TOX3: variants seen among roughly 807,000 people sequenced by gnomAD.
The protein encoded by TOX3 is CAG trinucleotide repeat-containing gene F9 protein.
A neutral mutation model predicts 64.3 loss-of-function variants in TOX3; 22 were observed. The ratio of observed to expected loss-of-function variants is 0.34; its 90% CI spans 0.24 to 0.49. TOX3 has a LOEUF of 0.49. Ranked by LOEUF, TOX3 falls within the 20% of genes least tolerant of loss-of-function variation. The pLI is 0.99. For synonymous variants in TOX3, 291 were observed against 273.6 expected (o/e 1.06, Z -0.63); for missense variants, 661 against 714.4 (o/e 0.93, Z 0.85).
intron 6 of TOX3, among the ~76,000 whole-genome samples, chr16:52,440,818 C>T (rs1485084843): frequency 1.2e-4 from 15 of 129,876 alleles, no homozygotes; most frequent in East Asian, 5.2e-4. Context: ...TGGAGTGCAG[C>T]GGCGCGATCT....
rs1555484130 is a variant in TOX3, at chr16:52,485,246, G to GTGTATATATATA, written c.88-16673_88-16672insTATATATATACA. Reference sequence around the variant, plus strand: ...CATGTGTGTGTGTGTATGTGTGTGTGTATATATATATATATATATATATAT... The same window carrying GTGTATATATATA: ...CATGTGTGTGTGTGTATGTGTGTGTGTGTATATATATATATATATATATATATATATATATAT... On this transcript the variant is annotated intron_variant, in intron 1 of 6. Coordinates refer to ENST00000219746, the MANE Select transcript of TOX3 (RefSeq NM_001080430.4). Among the ~76,000 whole-genome samples, 183 of 127,844 alleles carry GTGTATATATATA rather than the reference G, an allele frequency of 1.4e-3. 1 individual carries two copies. Among genetic ancestry groups the GTGTATATATATA allele is most frequent in the African/African-American group, 5.9e-3 (176 of 29,766 alleles). The allele number at this position is 127,844 out of a possible 152,430, so 83.9% of individuals were successfully genotyped here.
At chr16:52,471,706 T>TA (rs1961050071) in intron 1 of TOX3, among the ~76,000 whole-genome samples, 2 of 152,336 alleles carry the variant, frequency 1.3e-5, no homozygotes, top group South Asian at 4.1e-4. Flanking sequence ...CATTTTCACT[T>TA]ACTTTTTAAA....
intron 3 of TOX3, among the ~76,000 whole-genome samples, chr16:52,454,156 C>A (rs1008542132): frequency 6.6e-6 from 1 of 152,014 alleles, no homozygotes; most frequent in Admixed American, 6.6e-5. Flanking sequence ...ACTCTGGGAT[C>A]TCCACTGCCA....
chr16:52,512,909 G>A (rs1030827512), intron 1 of TOX3, among the ~76,000 whole-genome samples: 1 of 152,234 alleles, frequency 6.6e-6, no homozygotes, highest in African/African-American at 2.4e-5. Context: ...GAAAGAGCTA[G>A]AGAACACGGT....
rs773767575 is a variant in TOX3, at chr16:52,546,701, G to T, written c.23C>A (p.Ala8Glu). The T allele has an allele frequency of 6.5e-7, 1 of 1,539,938 alleles. No individual in the cohort carries two copies. Among genetic ancestry groups the T allele is most frequent in the Admixed American group, 1.9e-5 (1 of 51,370 alleles). The change falls in exon 1 of 7, where the codon GCG becomes GAG. Residue 8 changes from alanine (A) to glutamate (E), a missense_variant. This residue lies in a region of TOX3 where 259 missense variants were observed against 261.2 expected (regional missense o/e 0.99). Transcript: ENST00000219746. Reference protein sequence around the residue: MDVRFYPAAAGDPASLDF... With the variant: MDVRFYPEAAGDPASLDF... ...CAGGCTGGCAGGGTCCCCGGCCGCC[G>T]CGGGGTAGAACCTCACATCCATGCC...
Position 52,464,135 on chromosome 16 carries a change from G to A in TOX3, c.207C>T (p.Ile69=). The A allele has an allele frequency of 1.3e-6, 2 of 1,581,208 alleles. No homozygotes were observed. The highest frequency in any genetic ancestry group is 1.8e-5 in the Admixed American group (1 of 54,868). ...LGDEEFEIPP[I]TPPPESDPAL... ...CAGGGTCTGACTCTGGAGGAGGCGT[G>A]ATTGGTGGAATTTCGAATTCCTCGT... The change falls in exon 3 of 7, where the codon ATC becomes ATT. Residue 69 remains isoleucine, a synonymous_variant. Coordinates refer to ENST00000219746, the MANE Select transcript of TOX3 (RefSeq NM_001080430.4).
chr16:52,525,564 G>T (rs1962710835), intron 1 of TOX3, among the ~76,000 whole-genome samples: 1 of 152,070 alleles, frequency 6.6e-6, no homozygotes, highest in Admixed American at 6.6e-5. Context: ...AGACAGTGGG[G>T]GCATGAACTA....
intron 1 of TOX3, among the ~76,000 whole-genome samples, chr16:52,489,227 C>T (rs746802971): frequency 2.0e-5 from 3 of 152,146 alleles, no homozygotes; most frequent in Non-Finnish European, 4.4e-5. Flanking sequence ...ATGTTCCAGT[C>T]CCATTCACCC....
intron 1 of TOX3, among the ~76,000 whole-genome samples, chr16:52,500,150 A>G (rs1961962634): frequency 6.6e-6 from 1 of 152,226 alleles, no homozygotes; most frequent in Non-Finnish European, 1.5e-5. Context: ...ATTCTTAAAA[A>G]CGTATTAATG....
intron 1 of TOX3, among the ~76,000 whole-genome samples, chr16:52,503,863 T>C (rs1446700782): frequency 6.6e-6 from 1 of 152,218 alleles, no homozygotes; most frequent in African/African-American, 2.4e-5. Context: ...ATATAATCTA[T>C]GTACCTCATG....
chr16:52,463,943 C>T lies in TOX3; in HGVS notation c.399G>A (p.Gly133=). Residue 133 remains glycine, a synonymous_variant, in exon 3 of 7, where the codon GGG becomes GGA. Coordinates refer to ENST00000219746, the MANE Select transcript of TOX3 (RefSeq NM_001080430.4). ...VEQDGVLHSS[G]LHMDQSHTQV... Reference sequence around the variant, plus strand: ...TAAATGTGGTGCCTACCATATGCAACCCACTGCTATGAAGCACGCCATCTT... The same window carrying T: ...TAAATGTGGTGCCTACCATATGCAATCCACTGCTATGAAGCACGCCATCTT... 6.5e-7 allele frequency: 1 copy of T among 1,534,940 alleles called. No individual in the cohort carries two copies. The highest frequency in any genetic ancestry group is 8.8e-7 in the Non-Finnish European group (1 of 1,137,920).
At chr16:52,454,477 AT>A in intron 3 of TOX3, among the ~76,000 whole-genome samples, 1 of 152,340 alleles carries the variant, frequency 6.6e-6, no homozygotes, top group South Asian at 2.1e-4. Flanking sequence ...GTTCACAGTT[AT>A]CCCATAATCA....
In TOX3 at chr16:52,479,915, C is replaced by G. The variant is rs532219303; in HGVS notation, c.88-11341G>C. 2.6e-5 allele frequency among the ~76,000 whole-genome samples: 4 copies of G among 152,314 alleles called. No homozygotes were observed. In the South Asian group the frequency reaches 8.3e-4, roughly 32 times the overall value. ...AGTGGGTATCATCTTCAAGGATGCT[C>G]AGAAAACAACTCTTTGGAAAAGGCT... On this transcript the variant is annotated intron_variant, in intron 1 of 6. Transcript: ENST00000219746.
intron 1 of TOX3, 95 bp from the exon 2 acceptor site, chr16:52,468,669 G>C (rs1272451418): frequency 3.1e-6 from 3 of 962,188 alleles, no homozygotes; most frequent in Non-Finnish European, 4.8e-6. Context: ...AAATAAAAGA[G>C]AGTTTTATCA....
upstream of TOX3, chr16:52,547,382 C>T (rs1268665989): frequency 1.3e-5 from 2 of 150,208 alleles, no homozygotes; most frequent in Non-Finnish European, 3.0e-5. Context: ...CCCCCCTTCC[C>T]GCTCCGGTCC....
At chr16:52,511,292 G>C (rs1471565652) in intron 1 of TOX3, among the ~76,000 whole-genome samples, 1 of 152,146 alleles carries the variant, frequency 6.6e-6, no homozygotes. Flanking sequence ...AGGAGTTAGA[G>C]ACCAGCCTGG....
At chr16:52,450,143 A>G in intron 4 of TOX3, 134 bp downstream of exon 4, 1 of 1,080,788 alleles carries the variant, frequency 9.3e-7, no homozygotes, top group Non-Finnish European at 1.3e-6. Flanking sequence ...AAGAAAAACA[A>G]CAAACCATCA....
chr16:52,529,348 T>C (rs1210214389), intron 1 of TOX3, among the ~76,000 whole-genome samples: 2 of 152,178 alleles, frequency 1.3e-5, no homozygotes, highest in African/African-American at 4.8e-5. Flanking sequence ...AATATTGACA[T>C]AGTAGGCTTT....
At chr16:52,495,463 T>A (rs1389050034) in intron 1 of TOX3, among the ~76,000 whole-genome samples, 1 of 152,212 alleles carries the variant, frequency 6.6e-6, no homozygotes, top group Non-Finnish European at 1.5e-5. Context: ...AAGGCAGACC[T>A]TAATAACAGT....
Sources: allele counts gnomAD v4.1 joint callset (sites outside exome capture counted in the v4.1 genomes callset), GRCh38; gene constraint gnomAD v4.1.1; regional missense constraint gnomAD v4.1.1; transcripts MANE v1.5; gene names NCBI Gene and HGNC (gene_info 2026-07-23, HGNC 2026-07-21).